The following MTFR1 variants were observed in gnomAD, a reference collection of about 807,000 sequenced individuals.
MTFR1 encodes chondrocyte protein with a poly-proline region.
MTFR1 carries 28 observed loss-of-function variants against 38.8 expected under a neutral mutation model. The ratio of observed to expected loss-of-function variants is 0.72; its 90% CI spans 0.53 to 0.99. The LOEUF is 0.99. Among genes scored for constraint, MTFR1 ranks in the 50% least tolerant of loss-of-function variants. The pLI is 0.00. For missense variants in MTFR1, 358 were observed against 395.5 expected, an observed-to-expected ratio of 0.91 and a Z score of 0.81; for synonymous variants, 145 against 137.0, an observed-to-expected ratio of 1.06 and a Z score of -0.41.
intron 5 of MTFR1, among the ~76,000 whole-genome samples, chr8:65,706,261 T>G (rs1409326737): frequency 6.6e-6 from 1 of 152,238 alleles, no homozygotes; most frequent in African/African-American, 2.4e-5. Context: ...AGTGCTACCA[T>G]AAATAGATAA....
downstream of MTFR1, among the ~76,000 whole-genome samples, chr8:65,713,418 G>A (rs1806009195): frequency 1.4e-5 from 2 of 147,916 alleles, no homozygotes; most frequent in Admixed American, 1.4e-4. Context: ...TCTAGCCTGG[G>A]CAACGGAGAC....
At chr8:65,690,613 A>T (rs1178360187) in intron 3 of MTFR1, among the ~76,000 whole-genome samples, 1 of 151,936 alleles carries the variant, frequency 6.6e-6, no homozygotes, top group Admixed American at 6.6e-5. Context: ...GTTTCCTTTT[A>T]TAGATGTTTT....
At chr8:65,749,488 T>C (rs1416916710) in intron 3 of MTFR1, among the ~76,000 whole-genome samples, 1 of 152,224 alleles carries the variant, frequency 6.6e-6, no homozygotes, top group Non-Finnish European at 1.5e-5. Flanking sequence ...CAATGTAACT[T>C]ACTTTAAAAA....
downstream of MTFR1, among the ~76,000 whole-genome samples, chr8:65,774,408 T>C (rs969811609): frequency 1.3e-5 from 2 of 152,168 alleles, no homozygotes; most frequent in Non-Finnish European, 2.9e-5. Context: ...AAACTAATCA[T>C]CAATCTTTTA....
rs1374741456 is a variant in MTFR1 at position 65,710,156 on chromosome 8, A to G, written c.*1112A>G. On this transcript the variant is annotated 3_prime_UTR_variant, in exon 8 of 8. Transcript: ENST00000262146. The stretch of plus-strand genomic sequence containing the variant: ...ACTCAGCTATAGTTAATACCAGAGT[A>G]TCCTACCAGGAGTAATATTTGGAAT... 6.6e-6 allele frequency: 1 copy of G among 152,212 alleles called. No individual in the cohort carries two copies. Among genetic ancestry groups the G allele is most frequent in the Non-Finnish European group, 1.5e-5 (1 of 68,028 alleles). 9.4% of individuals were successfully genotyped at this position (152,212 alleles called of 1,614,324 possible).
chr8:65,656,238 T>G (rs923419033), intron 1 of MTFR1, among the ~76,000 whole-genome samples: 1 of 151,742 alleles, frequency 6.6e-6, no homozygotes. Context: ...ATTCATCTAC[T>G]GTCCCTGTAT....
chr8:65,714,880 C>T (rs1265815664), downstream of MTFR1: 3 of 151,926 alleles, frequency 2.0e-5, no homozygotes, highest in African/African-American at 7.3e-5. Flanking sequence ...TATTTGTTTG[C>T]AAAGGACATA....
intron 3 of MTFR1, chr8:65,719,684 C>T (rs1401925394): frequency 5.3e-6 from 3 of 566,200 alleles, no homozygotes; most frequent in Non-Finnish European, 9.4e-6. Context: ...GAACTGATTT[C>T]TTAAGTAACT....
chr8:65,656,653 C>T (rs1809279174), intron 1 of MTFR1, among the ~76,000 whole-genome samples: 1 of 151,956 alleles, frequency 6.6e-6, no homozygotes, highest in African/African-American at 2.4e-5. Context: ...AGGCACCCAC[C>T]ATCATGCCTG....
At chr8:65,683,246 C>T (rs921453661) in intron 3 of MTFR1, among the ~76,000 whole-genome samples, 2 of 151,466 alleles carry the variant, frequency 1.3e-5, no homozygotes, top group African/African-American at 2.4e-5. Flanking sequence ...CTTCTCCTGC[C>T]TCAGCCTTCC....
At chr8:65,667,421 CT>C (rs1465872855) in intron 1 of MTFR1, among the ~76,000 whole-genome samples, 1 of 150,888 alleles carries the variant, frequency 6.6e-6, no homozygotes, top group Non-Finnish European at 1.5e-5. Flanking sequence ...AGCAAACTTT[CT>C]TCTTTTTTCT....
At chr8:65,652,196 T>C (rs1461694435) in intron 1 of MTFR1, among the ~76,000 whole-genome samples, 1 of 152,110 alleles carries the variant, frequency 6.6e-6, no homozygotes, top group Non-Finnish European at 1.5e-5. Flanking sequence ...AACCTCTGCC[T>C]CCCAGGTTCA....
At chr8:65,651,541 C>G (rs1225726408) in intron 1 of MTFR1, among the ~76,000 whole-genome samples, 1 of 152,122 alleles carries the variant, frequency 6.6e-6, no homozygotes, top group Non-Finnish European at 1.5e-5. Context: ...TTCCCAGCAC[C>G]ATTTATTGAA....
chr8:65,660,364 C>G (rs531338619), intron 1 of MTFR1, among the ~76,000 whole-genome samples: 1 of 150,638 alleles, frequency 6.6e-6, no homozygotes, highest in East Asian at 1.9e-4. Flanking sequence ...CTGGACTGGT[C>G]TGAGGGATGC....
At chr8:65,724,226 A>G in intron 3 of MTFR1, 2 of 1,382,180 alleles carry the variant, frequency 1.4e-6, no homozygotes, top group Non-Finnish European at 1.0e-6. Context: ...AACTGGATAG[A>G]TTAATTATCA....
chr8:65,736,411 C>T (rs977792594), intron 3 of MTFR1, among the ~76,000 whole-genome samples: 3 of 152,290 alleles, frequency 2.0e-5, no homozygotes, highest in Admixed American at 6.5e-5. Context: ...TAAAGGCGGA[C>T]TACTGTACAG....
chr8:65,667,874 A>C lies in MTFR1; in HGVS notation c.-80-1999A>C, dbSNP rs533489766. ...AGCTCAGATTCTCATATGAACTCAC[A>C]CCCTGTTATACTTCATCCTGTTTTC... On this transcript the variant is annotated intron_variant, in intron 1 of 7. Coordinates refer to ENST00000262146, the MANE Select transcript of MTFR1 (RefSeq NM_014637.4). 7.9e-5 allele frequency among the ~76,000 whole-genome samples: 12 copies of C among 152,146 alleles called. No homozygotes were observed. In the South Asian group the frequency reaches 1.0e-3, roughly 13 times the overall value.
chr8:65,645,205 G>T (rs573158119), intron 1 of MTFR1, among the ~76,000 whole-genome samples: 21 of 152,330 alleles, frequency 1.4e-4, no homozygotes, highest in Admixed American at 4.6e-4. Context: ...GCCCTTAACG[G>T]GCTCAGGAGC....
chr8:65,683,821 G>A (rs756167623), intron 3 of MTFR1, among the ~76,000 whole-genome samples: 3 of 152,002 alleles, frequency 2.0e-5, no homozygotes, highest in Admixed American at 6.6e-5. Context: ...CACTGCACCC[G>A]GCTGCCTTTT....
Sources: allele counts gnomAD v4.1 joint callset (sites outside exome capture counted in the v4.1 genomes callset), GRCh38; gene constraint gnomAD v4.1.1; transcripts MANE v1.5; gene names NCBI Gene and HGNC (gene_info 2026-07-23, HGNC 2026-07-21).